Variants in ARL6IP6 observed in about 807,000 individuals in gnomAD.
ARL6IP6 encodes ADP-ribosylation factor-like protein 6-interacting protein 6.
In ARL6IP6, 22 loss-of-function variants were observed where a neutral mutation model predicts 21.5. The ratio of observed to expected loss-of-function variants is 1.02; its 90% CI spans 0.73 to 1.46. ARL6IP6 has a LOEUF of 1.46. Ranked by LOEUF, ARL6IP6 falls within the 40% of genes most tolerant of loss-of-function variation. The probability of loss-of-function intolerance (pLI) is 0.00; values close to 1 mark genes in which losing one functional copy is unlikely to be tolerated. For missense variants in ARL6IP6, 388 were observed against 299.8 expected (o/e 1.29, Z -2.17); for synonymous variants, 164 against 125.3 (o/e 1.31, Z -2.06).
chr2:152,745,045 A>T (rs1404122462), intron 3 of ARL6IP6, among the ~76,000 whole-genome samples: 1 of 152,136 alleles, frequency 6.6e-6, no homozygotes, highest in Non-Finnish European at 1.5e-5. Context: ...TTTGTGTGTG[A>T]GAGTGTGTTG....
At position 152,729,808 on chromosome 2, in the gene ARL6IP6, T is replaced by C. The variant is rs183116092; in HGVS notation, c.455-5186T>C. Among the ~76,000 whole-genome samples, 250 of 152,330 alleles carry C rather than the reference T, an allele frequency of 1.6e-3. 3 individuals carry two copies. The highest frequency in any genetic ancestry group is 2.9e-3 in the Non-Finnish European group (200 of 68,030). ...GCACACCAGACTCTTAGCTGATCAC[T>C]TTTAGGAATGAAATTGGCAAACTGA... On this transcript the variant is annotated intron_variant, in intron 2 of 3. Coordinates refer to ENST00000326446, the MANE Select transcript of ARL6IP6 (RefSeq NM_152522.7).
At chr2:152,742,558 A>C (rs1012684592) in intron 3 of ARL6IP6, among the ~76,000 whole-genome samples, 11 of 148,668 alleles carry the variant, frequency 7.4e-5, no homozygotes, top group African/African-American at 2.7e-4. Context: ...TGACAGAGCA[A>C]GATACGCTCT....
intron 3 of ARL6IP6, among the ~76,000 whole-genome samples, chr2:152,753,948 G>T (rs1321771629): frequency 6.6e-6 from 1 of 151,362 alleles, no homozygotes; most frequent in African/African-American, 2.4e-5. Context: ...TGGTCCACCC[G>T]CCTCGGCCTC....
chr2:152,742,952 A>G (rs1052757101), intron 3 of ARL6IP6, among the ~76,000 whole-genome samples: 1 of 152,210 alleles, frequency 6.6e-6, no homozygotes, highest in Non-Finnish European at 1.5e-5. Context: ...TATTCACCAT[A>G]CTAGCTAACT....
At position 152,759,985 on chromosome 2, in the gene ARL6IP6, G is replaced by A. The variant is rs1701761640; in HGVS notation, c.*145G>A. The A allele has an allele frequency of 1.6e-6, 1 of 639,608 alleles. No homozygotes were observed. The highest frequency in any genetic ancestry group is 2.8e-5 in the East Asian group (1 of 35,784). The allele number at this position is 639,608 out of a possible 1,614,324, so 39.6% of individuals were successfully genotyped here. A position where few individuals can be genotyped will look rare whatever the true frequency, so the allele number is the denominator to read the frequency against. ...TATTTATCACAATCATCCTCATTAT[G>A]GAAGACCTTTTAAAGCATTGTTTTA... On this transcript the variant is annotated 3_prime_UTR_variant, in exon 4 of 4. Coordinates refer to ENST00000326446, the MANE Select transcript of ARL6IP6 (RefSeq NM_152522.7).
At chr2:152,736,281 G>A (rs918497709) in intron 3 of ARL6IP6, among the ~76,000 whole-genome samples, 3 of 151,916 alleles carry the variant, frequency 2.0e-5, no homozygotes, top group South Asian at 2.1e-4. Flanking sequence ...AATGAGACTC[G>A]TTTCAAAAAA....
rs1358168677 is a variant in ARL6IP6 at position 152,760,595 on chromosome 2, CAAA to C, written c.*759_*761del. 1 of 151,082 alleles carries C rather than the reference CAAA, an allele frequency of 6.6e-6. No homozygotes were observed. The highest frequency in any genetic ancestry group is 2.4e-5 in the African/African-American group (1 of 41,130). The allele number at this position is 151,082 out of a possible 1,614,324, so 9.4% of individuals were successfully genotyped here. A position where few individuals can be genotyped will look rare whatever the true frequency, so the allele number is the denominator to read the frequency against. Reference sequence around the variant, plus strand: ...GAAAATTAAGTAAGTTTATTTTTAACAAAAAATGCCTGAAAAAAGCTAAATTAT... The same window carrying C: ...GAAAATTAAGTAAGTTTATTTTTAACAAATGCCTGAAAAAAGCTAAATTAT... On this transcript the variant is annotated 3_prime_UTR_variant, in exon 4 of 4. Transcript: ENST00000326446.
intron 3 of ARL6IP6, among the ~76,000 whole-genome samples, chr2:152,749,985 A>G (rs1482895175): frequency 6.6e-6 from 1 of 152,210 alleles, no homozygotes; most frequent in Non-Finnish European, 1.5e-5. Context: ...AGGTTAAATT[A>G]TATCCATTAA....
chr2:152,748,045 C>T (rs1394186876), intron 3 of ARL6IP6, among the ~76,000 whole-genome samples: 2 of 151,990 alleles, frequency 1.3e-5, no homozygotes, highest in Non-Finnish European at 2.9e-5. Flanking sequence ...TACCTGATAC[C>T]GAGTATTCTG....
chr2:152,746,944 G>A (rs959292130), intron 3 of ARL6IP6, among the ~76,000 whole-genome samples: 3 of 141,758 alleles, frequency 2.1e-5, no homozygotes, highest in Non-Finnish European at 4.5e-5. Context: ...TCCTGCCTCC[G>A]CCTCCCAAAT....
In ARL6IP6 at chr2:152,735,140, T is replaced by A. The variant is rs903766299; in HGVS notation, c.587+14T>A. The A allele has an allele frequency of 1.9e-6, 3 of 1,612,024 alleles. No homozygotes were observed. Among genetic ancestry groups the A allele is most frequent in the Non-Finnish European group, 2.5e-6 (3 of 1,178,968 alleles). The stretch of plus-strand genomic sequence containing the variant: ...TGCCAGGTTCAAGTAAGTATTCCTG[T>A]TTCCTGTTTCTTTTTTAAATGCATT... On this transcript the variant is annotated intron_variant, in intron 3 of 3. Transcript: ENST00000326446.
At chr2:152,721,951 T>C (rs963773541) in intron 2 of ARL6IP6, among the ~76,000 whole-genome samples, 1 of 152,232 alleles carries the variant, frequency 6.6e-6, no homozygotes, top group African/African-American at 2.4e-5. Flanking sequence ...GTTTTATCTC[T>C]AGAAATAAGC....
intron 2 of ARL6IP6, among the ~76,000 whole-genome samples, chr2:152,726,616 G>C (rs1700063252): frequency 6.6e-6 from 1 of 152,202 alleles, no homozygotes; most frequent in African/African-American, 2.4e-5. Flanking sequence ...TTGATGGTTA[G>C]TTTCATGCAT....
At chr2:152,743,382 T>C (rs1700905681) in intron 3 of ARL6IP6, among the ~76,000 whole-genome samples, 1 of 152,162 alleles carries the variant, frequency 6.6e-6, no homozygotes, top group African/African-American at 2.4e-5. Flanking sequence ...ACTATTTAGA[T>C]CAAACGTCAA....
intron 3 of ARL6IP6, among the ~76,000 whole-genome samples, chr2:152,745,042 G>A (rs995927980): frequency 2.6e-5 from 4 of 152,146 alleles, no homozygotes; most frequent in Non-Finnish European, 4.4e-5. Context: ...ACATTTGTGT[G>A]TGAGAGTGTG....
intron 1 of ARL6IP6, 67 bp downstream of exon 1, chr2:152,719,091 C>T: frequency 7.0e-7 from 1 of 1,431,518 alleles, no homozygotes. Context: ...CTCTCGTCTC[C>T]ACCCATCTCC....
At chr2:152,717,904 T>TGC (rs982930742), upstream of ARL6IP6, 50 of 1,001,254 alleles carry the variant, frequency 5.0e-5, no homozygotes, top group East Asian at 1.1e-4. Context: ...TGGGACCGAA[T>TGC]GCGCGCGCGC....
intron 2 of ARL6IP6, among the ~76,000 whole-genome samples, chr2:152,721,240 T>G (rs527746489): frequency 2.6e-5 from 4 of 152,346 alleles, no homozygotes; most frequent in African/African-American, 9.6e-5. Flanking sequence ...TTCCCACAGC[T>G]CTTCTCAGGA....
chr2:152,757,039 A>G (rs893837520), intron 3 of ARL6IP6, among the ~76,000 whole-genome samples: 1 of 152,206 alleles, frequency 6.6e-6, no homozygotes, highest in Admixed American at 6.5e-5. Context: ...ACATTTTGCT[A>G]TATACTGCAG....
Sources: allele counts gnomAD v4.1 joint callset (sites outside exome capture counted in the v4.1 genomes callset), GRCh38; gene constraint gnomAD v4.1.1; transcripts MANE v1.5; gene names NCBI Gene and HGNC (gene_info 2026-07-23, HGNC 2026-07-21).